KIF1B: variants seen among roughly 807,000 people sequenced by gnomAD.
KIF1B encodes the protein kinesin family member 1B.
Under a neutral mutation model 241.9 loss-of-function variants are expected in KIF1B, and 76 were observed. The observed-to-expected ratio is 0.31, with a 90% CI of 0.26 to 0.38. KIF1B has a LOEUF of 0.38. Among genes scored for constraint, KIF1B ranks in the 10% least tolerant of loss-of-function variants. The pLI, the probability that KIF1B is intolerant of heterozygous loss-of-function variation, is 1.00. For synonymous variants in KIF1B, 750 were observed against 796.7 expected (o/e 0.94, Z 0.99); for missense variants, 1,622 against 2,271.4 (o/e 0.71, Z 5.81).
chr1:10,271,454 C>G (rs1648795025), intron 7 of KIF1B, 48 bp from the exon 8 acceptor site: 1 of 1,321,470 alleles, frequency 7.6e-7, no homozygotes, highest in Non-Finnish European at 1.1e-6. Context: ...TTTCCTGCTT[C>G]TATCTTGCTT....
At chr1:10,321,991 T>TTAAATAAAGACATATATAAA in intron 24 of KIF1B, 134 bp downstream of exon 24, 1 of 857,162 alleles carries the variant, frequency 1.2e-6, no homozygotes, top group Non-Finnish European at 1.8e-6. Context: ...GCTTTATATA[T>TTAAATAAAGACATATATAAA]GTCTTTATTT....
At chr1:10,346,522 G>A (rs756341338) in intron 35 of KIF1B, among the ~76,000 whole-genome samples, 9 of 151,988 alleles carry the variant, frequency 5.9e-5, no homozygotes, top group South Asian at 2.1e-4. Flanking sequence ...GTGCCACCAC[G>A]CCAGGCTAAT....
In KIF1B at chr1:10,229,743, C is replaced by A. The variant is rs1466152444; in HGVS notation, c.-79-2507C>A. ...AGGCGTGGTGGCAGGCGCCTGTAGC[C>A]CCAGCTACTCAGGAGGCTGAGGCAG... is the stretch of plus-strand genomic sequence containing the variant. On this transcript the variant is annotated intron_variant, in intron 1 of 48. Transcript: ENST00000676179. Among the ~76,000 whole-genome samples the A allele has an allele frequency of 2.6e-5, 4 of 151,138 alleles. No individual in the cohort carries two copies. In the East Asian group the frequency reaches 5.8e-4, roughly 22 times the overall value.
At chr1:10,302,020 G>A (rs1036699296) in intron 22 of KIF1B, among the ~76,000 whole-genome samples, 3 of 152,198 alleles carry the variant, frequency 2.0e-5, no homozygotes, top group Non-Finnish European at 4.4e-5. Flanking sequence ...TCAATTTTAT[G>A]TAACCAGAGT....
chr1:10,377,134 A>T lies in KIF1B; in HGVS notation c.*547A>T. 1 of 240,976 alleles carries T rather than the reference A, an allele frequency of 4.1e-6. No individual in the cohort carries two copies. The highest frequency in any genetic ancestry group is 2.2e-5 in the African/African-American group (1 of 45,416). 14.9% of individuals were successfully genotyped at this position (240,976 alleles called of 1,614,324 possible). ...TTTTAGAACCTGAGAGGAAAAAAAG[A>T]GTCTTTTTTTCCCCTCTGTCTCTTT... On this transcript the variant is annotated 3_prime_UTR_variant, in exon 49 of 49. Transcript: ENST00000676179.
intron 2 of KIF1B, among the ~76,000 whole-genome samples, chr1:10,241,779 A>C (rs960554336): frequency 1.3e-5 from 2 of 152,094 alleles, no homozygotes; most frequent in African/African-American, 4.8e-5. Flanking sequence ...CCTTCTTTGC[A>C]ACTCTCAAGA....
intron 18 of KIF1B, 28 bp from the exon 19 acceptor site, chr1:10,295,632 C>A: frequency 6.3e-7 from 1 of 1,598,860 alleles, no homozygotes; most frequent in Non-Finnish European, 8.6e-7. Context: ...TCTGAATTTC[C>A]CTGGGAAACA....
At chr1:10,354,732 G>A (rs528848790) in intron 38 of KIF1B, among the ~76,000 whole-genome samples, 4 of 152,218 alleles carry the variant, frequency 2.6e-5, no homozygotes, top group Non-Finnish European at 5.9e-5. Context: ...TCTTCGGAGC[G>A]AAGTGTCTGG....
At chr1:10,220,390 A>AGAT (rs1375583312) in intron 1 of KIF1B, among the ~76,000 whole-genome samples, 2 of 131,356 alleles carry the variant, frequency 1.5e-5, no homozygotes, top group Non-Finnish European at 3.3e-5. Context: ...ATAGATAGAT[A>AGAT]GATAGATGAT....
At chr1:10,272,543 C>T (rs568587476) in intron 9 of KIF1B, 16 of 584,648 alleles carry the variant, frequency 2.7e-5, no homozygotes, top group African/African-American at 2.2e-4. Context: ...CTAGAGCAAA[C>T]ACTGAAGGTT....
intron 6 of KIF1B, 124 bp downstream of exon 6, chr1:10,267,682 TC>T (rs1648543670): frequency 1.2e-6 from 1 of 829,550 alleles, no homozygotes; most frequent in African/African-American, 1.7e-5. Flanking sequence ...AGTCCTCTGA[TC>T]CTTTGACTGT....
At chr1:10,362,820 C>T (rs963952370) in intron 40 of KIF1B, among the ~76,000 whole-genome samples, 10 of 152,174 alleles carry the variant, frequency 6.6e-5, no homozygotes, top group Non-Finnish European at 1.5e-4. Context: ...CCTATAATCT[C>T]AGCACTTTTT....
At chr1:10,278,165 T>C in intron 13 of KIF1B, 37 bp downstream of exon 13, 1 of 1,604,280 alleles carries the variant, frequency 6.2e-7, no homozygotes, top group Non-Finnish European at 8.5e-7. Flanking sequence ...ATCTAATCCT[T>C]TCTTCTTCAG....
intron 22 of KIF1B, 139 bp downstream of exon 22, chr1:10,297,385 G>A: frequency 1.2e-6 from 1 of 829,518 alleles, no homozygotes; most frequent in Admixed American, 1.9e-5. Flanking sequence ...CCTTAATGGA[G>A]AATGAACTTA....
chr1:10,330,666 T>G (rs1651886655), intron 27 of KIF1B, among the ~76,000 whole-genome samples: 1 of 152,194 alleles, frequency 6.6e-6, no homozygotes, highest in Non-Finnish European at 1.5e-5. Flanking sequence ...AAGCTTCCAC[T>G]TCTACTTAAA....
Position 10,289,246 on chromosome 1 carries a change from A to G in KIF1B, c.1435-1836A>G, listed in dbSNP as rs17034676. 6.5e-3 allele frequency among the ~76,000 whole-genome samples: 994 copies of G among 152,026 alleles called. 11 individuals are homozygous for G. Among genetic ancestry groups the G allele is most frequent in the Middle Eastern group, 0.038 (11 of 292 alleles). On this transcript the variant is annotated intron_variant, in intron 15 of 48. Coordinates refer to ENST00000676179, the MANE Select transcript of KIF1B (RefSeq NM_001365951.3). The stretch of plus-strand genomic sequence containing the variant: ...TCTGGGCCTCACTCAGCCTTGATTC[A>G]CCCATGTTACAGAGACCTGTGAATA...
At position 10,363,071 on chromosome 1, in the gene KIF1B, A is replaced by T. The variant is rs892651288; in HGVS notation, c.4305-212A>T. The stretch of plus-strand genomic sequence containing the variant: ...TGGGTGACACAGGGAAACCCTATCT[A>T]TAAAAAAATTAAATTGAGATGAAAG... On this transcript the variant is annotated intron_variant, in intron 40 of 48. Coordinates refer to ENST00000676179, the MANE Select transcript of KIF1B (RefSeq NM_001365951.3). Among the ~76,000 whole-genome samples, 7 of 152,238 alleles carry T rather than the reference A, an allele frequency of 4.6e-5. No homozygotes were observed. The Middle Eastern group carries it at 0.01, about 222-fold the overall frequency.
chr1:10,299,459 T>G (rs1196822627), intron 22 of KIF1B, among the ~76,000 whole-genome samples: 1 of 152,220 alleles, frequency 6.6e-6, no homozygotes, highest in East Asian at 1.9e-4. Flanking sequence ...CTGAAGAATA[T>G]CTACCAGTAG....
chr1:10,374,745 GT>G lies in KIF1B; in HGVS notation c.5097-106del. 9.0e-7 allele frequency: 1 copy of G among 1,114,146 alleles called. No individual in the cohort carries two copies. The highest frequency in any genetic ancestry group is 1.3e-5 in the South Asian group (1 of 77,632). 69.0% of individuals were successfully genotyped at this position (1,114,146 alleles called of 1,614,324 possible). ...TCTAGGCCAAATAGGTCATTTGCCT[GT>G]TTCATCGAATCTAAGGACTTGGCCT... On this transcript the variant is annotated intron_variant, in intron 46 of 48. Transcript: ENST00000676179. The surrounding 1 kb of genome is among the most constrained non-coding windows in gnomAD (Gnocchi z 4.3).
Sources: allele counts gnomAD v4.1 joint callset (sites outside exome capture counted in the v4.1 genomes callset), GRCh38; gene constraint gnomAD v4.1.1; non-coding constraint Gnocchi (gnomAD v3.1); transcripts MANE v1.5; gene names NCBI Gene and HGNC (gene_info 2026-07-23, HGNC 2026-07-21).